ABLIM3: variants seen among roughly 807,000 people sequenced by gnomAD.
ABLIM3 encodes the protein actin binding LIM protein family member 3, also known as actin-binding LIM protein 3.
In ABLIM3, 61 loss-of-function variants were observed where a neutral mutation model predicts 109.5. The observed-to-expected ratio is 0.56, with a 90% CI of 0.45 to 0.69. The LOEUF (loss-of-function observed/expected upper bound fraction) is 0.69, where lower values mean the gene tolerates loss of function less well. Among genes scored for constraint, ABLIM3 ranks in the 30% least tolerant of loss-of-function variants. The pLI is 0.00. For missense variants in ABLIM3, 796 were observed against 889.5 expected, an observed-to-expected ratio of 0.89 and a Z score of 1.34; for synonymous variants, 300 against 324.8, an observed-to-expected ratio of 0.92 and a Z score of 0.82.
rs763879831 is a variant in ABLIM3, at chr5:149,242,525, C to A, written c.1338C>A (p.Ile446=). 5 of 1,614,170 alleles carry A rather than the reference C, an allele frequency of 3.1e-6. No homozygotes were observed. In the South Asian group the frequency reaches 5.5e-5, roughly 18 times the overall value. Residue 446 remains isoleucine (I), a synonymous_variant, in exon 15 of 24, where the codon ATC becomes ATA. Transcript: ENST00000309868. ...GTAACATCTACCGGAAACCCCCGATCTACAAACGGCATGGTATGGTCAGAG... is the reference window on the plus strand; with the variant it reads ...GTAACATCTACCGGAAACCCCCGATATACAAACGGCATGGTATGGTCAGAG... ...GDSNIYRKPP[I]YKRHGDLSTA...
chr5:149,223,423 C>T (rs972889639), intron 8 of ABLIM3, among the ~76,000 whole-genome samples: 1 of 152,156 alleles, frequency 6.6e-6, no homozygotes. Context: ...GTCAGATATT[C>T]AGGTTTTAGC....
At position 149,259,312 on chromosome 5, in the gene ABLIM3, G is replaced by A; in HGVS notation, c.*908G>A. ...CCATGATTGCAGCTTGTATTCTTTA[G>A]CCTTATTACAATCTATGTGCCTGAC... On this transcript the variant is annotated 3_prime_UTR_variant, in exon 24 of 24. Transcript: ENST00000309868. The A allele has an allele frequency of 5.7e-6, 8 of 1,413,666 alleles. No homozygotes were observed. Among genetic ancestry groups the A allele is most frequent in the Non-Finnish European group, 7.4e-6 (8 of 1,086,072 alleles). 87.6% of individuals were successfully genotyped at this position (1,413,666 alleles called of 1,614,324 possible).
intron 8 of ABLIM3, among the ~76,000 whole-genome samples, chr5:149,222,727 T>C (rs1760787412): frequency 6.6e-6 from 1 of 150,928 alleles, no homozygotes; most frequent in African/African-American, 2.4e-5. Flanking sequence ...AGCTGTGTAT[T>C]TCTGGCATGG....
chr5:149,176,397 T>C (rs1416838725), intron 2 of ABLIM3, among the ~76,000 whole-genome samples: 1 of 152,204 alleles, frequency 6.6e-6, no homozygotes, highest in African/African-American at 2.4e-5. Context: ...AAAAGTTAGA[T>C]ACACCTTTAC....
At chr5:149,160,098 G>C (rs531774271) in intron 2 of ABLIM3, among the ~76,000 whole-genome samples, 1 of 152,128 alleles carries the variant, frequency 6.6e-6, no homozygotes, top group Non-Finnish European at 1.5e-5. Context: ...CCAAAGCATA[G>C]CAAACATTAG....
rs1021305670 is a variant in ABLIM3, at chr5:149,259,232, T to C, written c.*828T>C. 8.4e-7 allele frequency: 1 copy of C among 1,196,106 alleles called. No individual in the cohort carries two copies. The highest frequency in any genetic ancestry group is 1.0e-6 in the Non-Finnish European group (1 of 960,368). The allele number at this position is 1,196,106 out of a possible 1,614,324, so 74.1% of individuals were successfully genotyped here. Reference sequence around the variant, plus strand: ...GCTGCAGGATTTCTTGGGACCCTCCTCTCTCCCTCACTGCTCCCAGCACCT... The same window carrying C: ...GCTGCAGGATTTCTTGGGACCCTCCCCTCTCCCTCACTGCTCCCAGCACCT... On this transcript the variant is annotated 3_prime_UTR_variant, in exon 24 of 24. Transcript: ENST00000309868.
chr5:149,158,796 C>A (rs1161803965), intron 2 of ABLIM3, among the ~76,000 whole-genome samples: 4 of 152,076 alleles, frequency 2.6e-5, no homozygotes, highest in Admixed American at 2.6e-4. Flanking sequence ...TAAAAATGGG[C>A]AAGAATTCTA....
intron 2 of ABLIM3, among the ~76,000 whole-genome samples, chr5:149,175,369 T>C (rs1222710778): frequency 6.6e-6 from 1 of 152,192 alleles, no homozygotes; most frequent in Non-Finnish European, 1.5e-5. Context: ...TAAAATCCTG[T>C]CCCTTTAGAA....
At chr5:149,229,431 G>A (rs57685652) in intron 8 of ABLIM3, among the ~76,000 whole-genome samples, 2,339 of 152,252 alleles carry the variant, frequency 0.015, 63 homozygotes, top group African/African-American at 0.054. Context: ...TTCAGATGAG[G>A]AAACTGGGAC....
rs1400935216 is a variant in ABLIM3 at position 149,210,829 on chromosome 5, T to C, written c.669+10T>C. The stretch of plus-strand genomic sequence containing the variant: ...TGGCAGAGTCTTGGAGGTGAGTGGG[T>C]ATAAGTAACCGTGAAGATGTGGCAG... On this transcript the variant is annotated intron_variant, in intron 7 of 23. Transcript: ENST00000309868. The C allele has an allele frequency of 1.2e-6, 2 of 1,612,748 alleles. No individual in the cohort carries two copies. The highest frequency in any genetic ancestry group is 2.2e-5 in the East Asian group (1 of 44,874).
At chr5:149,199,729 C>A (rs1057207907) in intron 4 of ABLIM3, among the ~76,000 whole-genome samples, 1 of 152,210 alleles carries the variant, frequency 6.6e-6, no homozygotes, top group Non-Finnish European at 1.5e-5. Context: ...TGGGCGAGAA[C>A]AGCTCAACAG....
chr5:149,177,955 T>C (rs1224223253), intron 2 of ABLIM3, among the ~76,000 whole-genome samples: 1 of 152,176 alleles, frequency 6.6e-6, no homozygotes, highest in Non-Finnish European at 1.5e-5. Context: ...TGTAAATTGC[T>C]CAGGATCACA....
rs772128686 is a variant in ABLIM3 at position 149,258,281 on chromosome 5, C to G, written c.1939-10C>G. On this transcript the variant is annotated splice_polypyrimidine_tract_variant and intron_variant, in intron 23 of 23. Transcript: ENST00000309868. The stretch of plus-strand genomic sequence containing the variant: ...TGTCCCCCCACCCCCGCCTGCCCTG[C>G]CTCCTTCAGCGCCACCTGTCCCAGG... 7.4e-6 allele frequency: 12 copies of G among 1,612,396 alleles called. No individual in the cohort carries two copies. The South Asian group carries it at 1.2e-4, about 16-fold the overall frequency.
intron 2 of ABLIM3, among the ~76,000 whole-genome samples, chr5:149,160,233 T>C (rs779073740): frequency 6.6e-6 from 1 of 152,004 alleles, no homozygotes; most frequent in Non-Finnish European, 1.5e-5. Context: ...CGTGGGTGGA[T>C]CGCTTGAGGT....
chr5:149,192,869 C>A (rs919143587), intron 3 of ABLIM3, among the ~76,000 whole-genome samples: 1 of 145,102 alleles, frequency 6.9e-6, no homozygotes, highest in Non-Finnish European at 1.5e-5. Context: ...GTAGATATAA[C>A]CACCATTTAT....
chr5:149,233,187 G>A, intron 9 of ABLIM3, 42 bp from the exon 10 acceptor site: 1 of 1,595,424 alleles, frequency 6.3e-7, no homozygotes, highest in Non-Finnish European at 8.6e-7. Context: ...ACCAAGCTCA[G>A]GTTGCAGCTT....
chr5:149,204,420 G>A (rs1333465857), intron 5 of ABLIM3, among the ~76,000 whole-genome samples: 1 of 152,128 alleles, frequency 6.6e-6, no homozygotes, highest in Non-Finnish European at 1.5e-5. Flanking sequence ...GTGAAAGGAG[G>A]AAGAAGAGGG....
At chr5:149,141,683 T>A (rs1160245961) in intron 1 of ABLIM3, 29 bp downstream of exon 1, 1 of 189,172 alleles carries the variant, frequency 5.3e-6, no homozygotes, top group Non-Finnish European at 1.1e-5. Flanking sequence ...CGCTGCTCCT[T>A]GAAGCCGGGC....
intron 7 of ABLIM3, among the ~76,000 whole-genome samples, chr5:149,211,596 A>G (rs576306380): frequency 6.6e-5 from 10 of 152,212 alleles, no homozygotes; most frequent in Non-Finnish European, 8.8e-5. Context: ...TTTCCATATG[A>G]CAATAGCTAG....
Sources: gnomAD v4.1 joint callset for allele counts (sites outside exome capture counted in the v4.1 genomes callset) on GRCh38, gnomAD v4.1.1 for gene constraint, MANE v1.5 for transcripts, NCBI Gene and HGNC (gene_info 2026-07-23, HGNC 2026-07-21) for gene names.